The following RNF121 variants were observed in gnomAD, a reference collection of about 807,000 sequenced individuals.
RNF121 encodes the protein E3 ubiquitin ligase RNF121.
Under a neutral mutation model 46.5 loss-of-function variants are expected in RNF121, and 21 were observed. That is an observed-to-expected ratio of 0.45 (90% CI 0.32 to 0.65). The LOEUF (loss-of-function observed/expected upper bound fraction) is 0.65, where lower values mean the gene tolerates loss of function less well. RNF121 is among the 30% of genes least tolerant of loss of function. The pLI is 0.04. For synonymous variants in RNF121, 139 were observed against 144.7 expected, an observed-to-expected ratio of 0.96 and a Z score of 0.28; for missense variants, 346 against 416.0, an observed-to-expected ratio of 0.83 and a Z score of 1.46.
intron 7 of RNF121, 82 bp downstream of exon 7, chr11:71,994,934 C>A: frequency 6.3e-7 from 1 of 1,578,350 alleles, no homozygotes; most frequent in Non-Finnish European, 8.7e-7. Flanking sequence ...GTGGTCATGA[C>A]CCTAGGCATG....
chr11:71,993,974 G>A (rs1000196570), intron 6 of RNF121, among the ~76,000 whole-genome samples: 3 of 151,544 alleles, frequency 2.0e-5, no homozygotes, highest in Admixed American at 6.6e-5. Context: ...CTGAGTAGCT[G>A]GGACTACAGG....
intron 1 of RNF121, among the ~76,000 whole-genome samples, chr11:71,953,887 G>A (rs1322448260): frequency 6.6e-6 from 1 of 152,182 alleles, no homozygotes; most frequent in Non-Finnish European, 1.5e-5. Flanking sequence ...AAATGTAGCA[G>A]TCAACTTCTC....
chr11:71,970,283 T>C (rs1236949550), intron 3 of RNF121, among the ~76,000 whole-genome samples: 1 of 152,158 alleles, frequency 6.6e-6, no homozygotes, highest in African/African-American at 2.4e-5. Flanking sequence ...TGTTACAAAA[T>C]AGTAACAGAT....
At chr11:71,971,917 T>C (rs1014487156) in intron 3 of RNF121, among the ~76,000 whole-genome samples, 2 of 152,164 alleles carry the variant, frequency 1.3e-5, no homozygotes, top group Non-Finnish European at 2.9e-5. Context: ...TAAGGGGATA[T>C]GTAAGAGGGT....
intron 6 of RNF121, among the ~76,000 whole-genome samples, chr11:71,992,760 G>A (rs867784346): frequency 1.3e-5 from 2 of 152,208 alleles, no homozygotes; most frequent in Admixed American, 6.5e-5. Flanking sequence ...AAGAGCAGCA[G>A]GTGGACATCA....
intron 1 of RNF121, among the ~76,000 whole-genome samples, chr11:71,942,772 G>GTATATATATATATATATATATATATA (rs1201537010): frequency 7.9e-4 from 15 of 18,948 alleles, no homozygotes; most frequent in South Asian, 7.1e-3. Flanking sequence ...CTATATATCT[G>GTATATATATATATATATATATATATA]TATATATATA....
chr11:71,961,401 A>C (rs1954130198), intron 3 of RNF121, among the ~76,000 whole-genome samples: 1 of 152,152 alleles, frequency 6.6e-6, no homozygotes, highest in South Asian at 2.1e-4. Flanking sequence ...TATCTACAAA[A>C]AATAGAGAAA....
chr11:71,939,355 A>G lies in RNF121; in HGVS notation c.63+10231A>G, dbSNP rs528782673. 3 of 159,914 alleles carry G rather than the reference A, an allele frequency of 1.9e-5. No individual in the cohort carries two copies. The East Asian group carries it at 5.6e-4, about 30-fold the overall frequency. 9.9% of individuals were successfully genotyped at this position (159,914 alleles called of 1,614,324 possible). A position where few individuals can be genotyped will look rare whatever the true frequency, so the allele number is the denominator to read the frequency against. On this transcript the variant is annotated intron_variant, in intron 1 of 8. Transcript: ENST00000361756. ...CAGTTGGAACAATGGAATGGCTTAC[A>G]TGGCTTCTATAAAGTGACATCTTTC...
At chr11:71,942,800 AT>A (rs899459882) in intron 1 of RNF121, among the ~76,000 whole-genome samples, 10 of 36,888 alleles carry the variant, frequency 2.7e-4, no homozygotes, top group African/African-American at 1.3e-3. Flanking sequence ...AGATATATAT[AT>A]GTACACACAC....
At chr11:71,986,280 A>T (rs764473509) in intron 4 of RNF121, among the ~76,000 whole-genome samples, 2 of 152,078 alleles carry the variant, frequency 1.3e-5, no homozygotes, top group Non-Finnish European at 2.9e-5. Context: ...AGCTCATTCT[A>T]CCTCTGATTC....
chr11:71,938,732 C>T (rs1953486019), intron 1 of RNF121: 1 of 152,834 alleles, frequency 6.5e-6, no homozygotes, highest in African/African-American at 2.4e-5. Flanking sequence ...TGTGCAACCA[C>T]CTCTTCTGGT....
intron 1 of RNF121, among the ~76,000 whole-genome samples, chr11:71,935,440 C>G (rs1953382969): frequency 6.6e-6 from 1 of 152,178 alleles, no homozygotes; most frequent in Non-Finnish European, 1.5e-5. Flanking sequence ...TATGAGTACT[C>G]TATACTGTCC....
intron 1 of RNF121, among the ~76,000 whole-genome samples, chr11:71,941,594 A>G (rs1009204361): frequency 2.0e-5 from 3 of 152,232 alleles, no homozygotes; most frequent in Non-Finnish European, 2.9e-5. Flanking sequence ...AAGTAATGTA[A>G]TGTGATAAAG....
intron 1 of RNF121, among the ~76,000 whole-genome samples, chr11:71,935,939 C>G (rs1953395204): frequency 6.6e-6 from 1 of 150,494 alleles, no homozygotes; most frequent in Non-Finnish European, 1.5e-5. Context: ...CCTCCGCCTC[C>G]TGGGTTCAAG....
At chr11:71,960,534 G>A (rs1453456924) in intron 2 of RNF121, among the ~76,000 whole-genome samples, 1 of 152,136 alleles carries the variant, frequency 6.6e-6, no homozygotes, top group Non-Finnish European at 1.5e-5. Flanking sequence ...CCAATATCTA[G>A]GCTTGGTTGC....
intron 1 of RNF121, among the ~76,000 whole-genome samples, chr11:71,953,789 G>A (rs571767800): frequency 2.4e-4 from 37 of 152,336 alleles, no homozygotes; most frequent in African/African-American, 8.2e-4. Flanking sequence ...CAGATGCAGA[G>A]ATCATAGGGT....
rs115259529 is a variant in RNF121, at chr11:71,984,142, T to C, written c.398+1227T>C. ...ATGGGACAATAATTGCTACCTCACA[T>C]AGGGTGATAAGATGATATGAAGAAA... is the stretch of plus-strand genomic sequence containing the variant. On this transcript the variant is annotated intron_variant, in intron 4 of 8. Transcript: ENST00000361756. Among the ~76,000 whole-genome samples the C allele has an allele frequency of 8.5e-5, 13 of 152,282 alleles. 1 individual carries two copies. Among genetic ancestry groups the C allele is most frequent in the African/African-American group, 3.1e-4 (13 of 41,548 alleles).
chr11:71,942,037 AT>A (rs1953582282), intron 1 of RNF121, among the ~76,000 whole-genome samples: 1 of 148,028 alleles, frequency 6.8e-6, no homozygotes, highest in Non-Finnish European at 1.5e-5. Context: ...GGTTCGTGCC[AT>A]TCTCCTGCCT....
chr11:71,945,656 C>T (rs1011193918), intron 1 of RNF121, among the ~76,000 whole-genome samples: 6 of 152,152 alleles, frequency 3.9e-5, no homozygotes, highest in African/African-American at 1.4e-4. Flanking sequence ...CTCTGAAATA[C>T]AAAGAAGAAT....
Sources: gnomAD v4.1 joint callset for allele counts (sites outside exome capture counted in the v4.1 genomes callset) on GRCh38, gnomAD v4.1.1 for gene constraint, MANE v1.5 for transcripts, NCBI Gene and HGNC (gene_info 2026-07-23, HGNC 2026-07-21) for gene names.